Variants in GOLGA2 observed in about 807,000 individuals in gnomAD.
GOLGA2 encodes golgin subfamily A member 2.
In GOLGA2, 49 loss-of-function variants were observed where a neutral mutation model predicts 148.8. The observed-to-expected ratio is 0.33, with a 90% confidence interval of 0.26 to 0.42. The LOEUF (loss-of-function observed/expected upper bound fraction) is 0.42. Among genes scored for constraint, GOLGA2 ranks in the 10% least tolerant of loss-of-function variants. GOLGA2 has a pLI of 1.00. For synonymous variants in GOLGA2, 501 were observed against 511.8 expected, an observed-to-expected ratio of 0.98 and a Z score of 0.28; for missense variants, 1,178 against 1,304.6, an observed-to-expected ratio of 0.90 and a Z score of 1.49.
rs750472545 is a variant in GOLGA2, at chr9:128,260,770, G to A, written c.1453C>T (p.Pro485Ser). ...TGTAGCTGCTGCTCCACCTCGGAGG[G>A]CCCTGCTGGGGGCTCTGGGGGCGGG... ...EPPPPEPPAG[P>S]SEVEQQLQAE... The change falls in exon 18 of 27, where the codon CCC becomes TCC. Residue 485 changes from proline (P) to serine (S), a missense_variant. Transcript: ENST00000611957. The surrounding 1 kb of genome is among the most constrained non-coding windows in gnomAD (Gnocchi z 4.8). 1.1e-5 allele frequency: 18 copies of A among 1,610,732 alleles called. No homozygotes were observed. In the South Asian group the frequency reaches 1.5e-4, roughly 14 times the overall value.
At position 128,257,022 on chromosome 9, in the gene GOLGA2, G is replaced by A. The variant is rs749621060; in HGVS notation, c.*45C>T. 13 of 1,375,544 alleles carry A rather than the reference G, an allele frequency of 9.5e-6. No homozygotes were observed. The Admixed American group carries it at 1.4e-4, about 15-fold the overall frequency. 85.2% of individuals were successfully genotyped at this position (1,375,544 alleles called of 1,614,324 possible). A position where few individuals can be genotyped will look rare whatever the true frequency, so the allele number is the denominator to read the frequency against. Reference sequence around the variant, plus strand: ...ATGGTAGGGATATGGTGGGGGCAGGGTATCCAGCCCCACTTCTTCAGGCTT... The same window carrying A: ...ATGGTAGGGATATGGTGGGGGCAGGATATCCAGCCCCACTTCTTCAGGCTT... On this transcript the variant is annotated 3_prime_UTR_variant, in exon 27 of 27. Transcript: ENST00000611957. This position sits in a 1 kb window ranked among gnomAD's most constrained non-coding sequence, Gnocchi z 8.0.
rs767609713 is a variant in GOLGA2, at chr9:128,258,145, T to C, written c.2343A>G (p.Leu781=). Residue 781 remains leucine (L), a synonymous_variant, in exon 23 of 27, where the codon CTA becomes CTG. Transcript: ENST00000611957. The surrounding 1 kb of genome is among the most constrained non-coding windows in gnomAD (Gnocchi z 6.6). ...VASAEEEQAR[L]RGQLKEQRVR... ...CCCTTTGCTCCTTCAGCTGCCCACG[T>C]AGCCTTGCCTGCTCCTCCTCGGCAC... The C allele has an allele frequency of 1.9e-6, 3 of 1,607,260 alleles. No homozygotes were observed. The highest frequency in any genetic ancestry group is 2.5e-6 in the Non-Finnish European group (3 of 1,178,810).
rs1588480084 is a variant in GOLGA2, at chr9:128,260,718, T to A, written c.1505A>T (p.Glu502Val). The A allele has an allele frequency of 1.2e-6, 2 of 1,613,358 alleles. No homozygotes were observed. Among genetic ancestry groups the A allele is most frequent in the Non-Finnish European group, 1.7e-6 (2 of 1,179,882 alleles). Residue 502 changes from glutamate to valine, a missense_variant, in exon 18 of 27, where the codon GAG becomes GTG. Transcript: ENST00000611957. The surrounding 1 kb of genome is among the most constrained non-coding windows in gnomAD (Gnocchi z 4.8). ...AAGCTGTCCTGCCAGACCCTCCAGC[T>A]CCTTCCGCAGGTGCTCAGCCTCCGC... ...LQAEAEHLRK[E>V]LEGLAGQLQA...
Position 128,268,143 on chromosome 9 carries a change from A to G in GOLGA2, c.411T>C (p.Asn137=), listed in dbSNP as rs1416952942. 3.1e-6 allele frequency: 5 copies of G among 1,613,336 alleles called. No individual in the cohort carries two copies. In the African/African-American group the frequency reaches 5.3e-5, roughly 17 times the overall value. ...TGGTTTCATCCATGAGATTAGGGAC[A>G]TTGTCAGCATCATGATTCTGTTTGG... ...MAASQNHDAD[N]VPNLMDETKT... The change falls in exon 5 of 27, where the codon AAT becomes AAC. Residue 137 remains asparagine, a synonymous_variant. Transcript: ENST00000611957.
In GOLGA2 at chr9:128,260,175, C is replaced by T; in HGVS notation, c.1773G>A (p.Met591Ile). Residue 591 changes from methionine (M) to isoleucine (I), a missense_variant, in exon 19 of 27, where the codon ATG becomes ATA. By Grantham distance (10) the Met-to-Ile change is conservative (BLOSUM62 1). Transcript: ENST00000611957. This position sits in a 1 kb window ranked among gnomAD's most constrained non-coding sequence, Gnocchi z 4.8. ...CCGACTGCAGTGCGCTGGTGATCTC[C>T]ATGTTCTCATTAGTCTGGACAGAGA... ...SGFVKLTNEN[M>I]EITSALQSEQ... is the part of the protein sequence containing the mutation. 1 of 1,606,150 alleles carries T rather than the reference C, an allele frequency of 6.2e-7. No homozygotes were observed. Among genetic ancestry groups the T allele is most frequent in the Non-Finnish European group, 8.5e-7 (1 of 1,177,530 alleles).
chr9:128,258,819 C>A lies in GOLGA2; in HGVS notation c.2173+188G>T. The A allele has an allele frequency of 6.4e-6, 4 of 625,718 alleles. No individual in the cohort carries two copies. The East Asian group carries it at 1.1e-4, about 17-fold the overall frequency. 38.8% of individuals were successfully genotyped at this position (625,718 alleles called of 1,614,324 possible). ...TTCTGACCTGGGCCAGTTCACCCATCCTTAGGTAAGCTGGTAGTGCCCTGC... is the reference window on the plus strand; with the variant it reads ...TTCTGACCTGGGCCAGTTCACCCATACTTAGGTAAGCTGGTAGTGCCCTGC... On this transcript the variant is annotated intron_variant, in intron 21 of 26. Transcript: ENST00000611957. The surrounding 1 kb of genome is among the most constrained non-coding windows in gnomAD (Gnocchi z 6.6).
intron 4 of GOLGA2, 111 bp downstream of exon 4, chr9:128,268,309 C>G: frequency 9.7e-7 from 1 of 1,036,062 alleles, no homozygotes; most frequent in Non-Finnish European, 1.5e-6. Flanking sequence ...TTCCCCCGGC[C>G]CGGTCCCCAG....
chr9:128,268,577 G>T, intron 3 of GOLGA2, 53 bp from the exon 4 acceptor site: 2 of 931,380 alleles, frequency 2.1e-6, no homozygotes, highest in Non-Finnish European at 1.7e-6. Flanking sequence ...AGGTGCCTCA[G>T]TACTATGAAC....
rs553978177 is a variant in GOLGA2, at chr9:128,257,997, C to T, written c.2491G>A (p.Ala831Thr). 2.5e-6 allele frequency: 4 copies of T among 1,607,872 alleles called. No homozygotes were observed. The highest frequency in any genetic ancestry group is 3.4e-6 in the Non-Finnish European group (4 of 1,176,386). Residue 831 changes from alanine (A) to threonine (T), a missense_variant, in exon 23 of 27, where the codon GCC (alanine) becomes ACC (threonine). Physicochemically the swap from Ala to Thr is moderately conservative, Grantham distance 58. Transcript: ENST00000611957. The surrounding 1 kb of genome is among the most constrained non-coding windows in gnomAD (Gnocchi z 8.0). Reference sequence around the variant, plus strand: ...TCATTCACCTGCAGCTTCTCCATGGCCCCCTGCAGGGCCCGGTGGGTCTCC... The same window carrying T: ...TCATTCACCTGCAGCTTCTCCATGGTCCCCTGCAGGGCCCGGTGGGTCTCC... ...CGETHRALQG[A>T]MEKLQSRFME...
chr9:128,259,003 G>C lies in GOLGA2; in HGVS notation c.2173+4C>G. 6.3e-7 allele frequency: 1 copy of C among 1,578,162 alleles called. No homozygotes were observed. Among genetic ancestry groups the C allele is most frequent in the Non-Finnish European group, 8.7e-7 (1 of 1,152,658 alleles). ...CTCCTCTTCCTGTGAGCAGGTTCCC[G>C]TACCTTCCCCAGGGTGAGCCATGAG... On this transcript the variant is annotated splice_donor_region_variant and intron_variant, in intron 21 of 26. Transcript: ENST00000611957.
rs187639647 is a variant in GOLGA2 at position 128,266,994 on chromosome 9, G to C, written c.642+200C>G. The C allele has an allele frequency of 2.0e-4, 123 of 628,430 alleles. No homozygotes were observed. The East Asian group carries it at 3.2e-3, about 16-fold the overall frequency. 38.9% of individuals were successfully genotyped at this position (628,430 alleles called of 1,614,324 possible). ...CGAGCAGGGGTGTCTAGAGAAGAGA[G>C]AGTAGGCAAAGAGGGCAGCAACAGA... On this transcript the variant is annotated intron_variant, in intron 8 of 26. Coordinates refer to ENST00000611957, the MANE Select transcript of GOLGA2 (RefSeq NM_001366244.2). The surrounding 1 kb of genome is among the most constrained non-coding windows in gnomAD (Gnocchi z 4.2).
Position 128,258,634 on chromosome 9 carries a change from C to T in GOLGA2, c.2174-64G>A. 1.7e-6 allele frequency: 2 copies of T among 1,211,570 alleles called. No individual in the cohort carries two copies. The highest frequency in any genetic ancestry group is 2.4e-6 in the Non-Finnish European group (2 of 850,626). The allele number at this position is 1,211,570 out of a possible 1,614,324, so 75.1% of individuals were successfully genotyped here. A position where few individuals can be genotyped will look rare whatever the true frequency, so the allele number is the denominator to read the frequency against. On this transcript the variant is annotated intron_variant, in intron 21 of 26. Transcript: ENST00000611957. The surrounding 1 kb of genome is among the most constrained non-coding windows in gnomAD (Gnocchi z 6.6). ...AAGGGTACAGTGGGCCCACCTCTGCCCCCACCCTCACTGTGTAACCCTGGG... is the reference window on the plus strand; with the variant it reads ...AAGGGTACAGTGGGCCCACCTCTGCTCCCACCCTCACTGTGTAACCCTGGG...
intron 3 of GOLGA2, 80 bp from the exon 4 acceptor site, chr9:128,268,604 G>A: frequency 2.7e-6 from 2 of 733,004 alleles, no homozygotes; most frequent in South Asian, 1.5e-5. Flanking sequence ...GTGTGGAACA[G>A]GTAGGACAGG....
In GOLGA2 at chr9:128,265,137, C is replaced by T. The variant is rs144035312; in HGVS notation, c.933+448G>A. Among the ~76,000 whole-genome samples the T allele has an allele frequency of 4.5e-4, 69 of 152,318 alleles. 1 individual carries two copies. In the East Asian group the frequency reaches 5.0e-3, roughly 11 times the overall value. On this transcript the variant is annotated intron_variant, in intron 12 of 26. Coordinates refer to ENST00000611957, the MANE Select transcript of GOLGA2 (RefSeq NM_001366244.2). ...GGGCAGAAGGGAAATATCTTCCAGC[C>T]GTGCTGTTCCTCTCTCCTGAGTTTG...
At position 128,267,623 on chromosome 9, in the gene GOLGA2, G is replaced by A. The variant is rs528643375; in HGVS notation, c.502-106C>T. 4 of 862,272 alleles carry A rather than the reference G, an allele frequency of 4.6e-6. No homozygotes were observed. In the African/African-American group the frequency reaches 6.6e-5, roughly 14 times the overall value. 53.4% of individuals were successfully genotyped at this position (862,272 alleles called of 1,614,324 possible). On this transcript the variant is annotated intron_variant, in intron 6 of 26. Transcript: ENST00000611957. ...TTGGCAACATTTTCTTTTCTAACTT[G>A]GACCCTCTGTCCCGTAACCCCTTTG...
chr9:128,274,657 T>C (rs1831193004), intron 1 of GOLGA2, among the ~76,000 whole-genome samples: 1 of 152,238 alleles, frequency 6.6e-6, no homozygotes, highest in South Asian at 2.1e-4. Context: ...TGTATCCACA[T>C]GGCAGAAGGC....
chr9:128,262,544 T>C lies in GOLGA2; in HGVS notation c.1134+19A>G, dbSNP rs1299304761. The C allele has an allele frequency of 2.5e-6, 4 of 1,611,826 alleles. No homozygotes were observed. The highest frequency in any genetic ancestry group is 2.5e-6 in the Non-Finnish European group (3 of 1,178,540). ...AGCTGGATGGCGCTCCCACCACCCA[T>C]GGGGCTGCAGCCTCTTGCCTGTTGA... On this transcript the variant is annotated intron_variant, in intron 14 of 26. Coordinates refer to ENST00000611957, the MANE Select transcript of GOLGA2 (RefSeq NM_001366244.2).
At position 128,272,841 on chromosome 9, in the gene GOLGA2, C is replaced by G; in HGVS notation, c.232G>C (p.Val78Leu). The G allele has an allele frequency of 7.8e-7, 1 of 1,280,172 alleles. No individual in the cohort carries two copies. The highest frequency in any genetic ancestry group is 1.2e-5 in the South Asian group (1 of 80,648). The allele number at this position is 1,280,172 out of a possible 1,614,324, so 79.3% of individuals were successfully genotyped here. ...CCATTGGAACGGTTAAGGTCGGACA[C>G]CAGCACCTTCAGAATGTCCTGAATC... ...EDIQDILKVL[V>L]SDLNRSNGVA... Residue 78 changes from valine to leucine, a missense_variant, in exon 3 of 27, where the codon GTG (valine) becomes CTG (leucine). By Grantham distance (32) the Val-to-Leu change is conservative (BLOSUM62 1). Transcript: ENST00000611957.
Position 128,257,073 on chromosome 9 carries a change from GAC to G in GOLGA2, c.3082_3083del (p.Val1028HisfsTer53). On this transcript the variant is annotated frameshift_variant, in exon 27 of 27. Coordinates refer to ENST00000611957, the MANE Select transcript of GOLGA2 (RefSeq NM_001366244.2). LOFTEE classifies it high-confidence loss of function. The surrounding 1 kb of genome is among the most constrained non-coding windows in gnomAD (Gnocchi z 8.0). ...TGCTGACAGTAGCCGGCTTTTAGAT[GAC>G]AGTGATCTTCACCTCATCATTCTCG... is the stretch of plus-strand genomic sequence containing the variant. Reference protein sequence around the residue: ...ADENDEVKITVI With the variant: ...ADENDEVKITXI 2 of 1,610,552 alleles carry G rather than the reference GAC, an allele frequency of 1.2e-6. No homozygotes were observed. The highest frequency in any genetic ancestry group is 1.7e-6 in the Non-Finnish European group (2 of 1,177,374).
Sources: gnomAD v4.1 joint callset for allele counts (sites outside exome capture counted in the v4.1 genomes callset) on GRCh38, gnomAD v4.1.1 for gene constraint, Gnocchi (gnomAD v3.1) non-coding constraint, MANE v1.5 for transcripts, NCBI Gene and HGNC (gene_info 2026-07-23, HGNC 2026-07-21) for gene names.